The following DTX2 variants were observed in gnomAD, a reference collection of about 807,000 sequenced individuals.
DTX2 encodes probable E3 ubiquitin-protein ligase DTX2.
A neutral mutation model predicts 55.3 loss-of-function variants in DTX2; 29 were observed. The ratio of observed to expected loss-of-function variants is 0.52; its 90% CI spans 0.39 to 0.71. The LOEUF (loss-of-function observed/expected upper bound fraction) is 0.71. DTX2 is among the 30% of genes least tolerant of loss of function. The pLI is 0.00. For synonymous variants in DTX2, 276 were observed against 340.4 expected (o/e 0.81, Z 2.08); for missense variants, 537 against 822.5 (o/e 0.65, Z 4.25).
Position 76,482,656 on chromosome 7 carries a change from C to T in DTX2, c.417C>T (p.Gly139=). 2 of 1,613,848 alleles carry T rather than the reference C, an allele frequency of 1.2e-6. No homozygotes were observed. The highest frequency in any genetic ancestry group is 1.7e-6 in the Non-Finnish European group (2 of 1,179,808). ...ATCTGGAGCAGCAGGTGGCCAGGGG[C>T]AACCAGCTCGTGGACTTGGCCCCCC... ...CDYLEQQVAR[G]NQLVDLAPLG... is the part of the protein sequence containing the mutation. Residue 139 remains glycine, a synonymous_variant, in exon 4 of 11, where the codon GGC becomes GGT. Coordinates refer to ENST00000430490, the MANE Select transcript of DTX2 (RefSeq NM_001102594.3).
intron 2 of DTX2, among the ~76,000 whole-genome samples, chr7:76,469,517 C>T (rs1192640697): frequency 2.0e-5 from 3 of 150,626 alleles, no homozygotes; most frequent in Admixed American, 6.6e-5. Context: ...CTCAGCCTCC[C>T]GAGTAACTGG....
chr7:76,476,514 A>G (rs558763490), intron 2 of DTX2, among the ~76,000 whole-genome samples: 1 of 151,656 alleles, frequency 6.6e-6, no homozygotes, highest in East Asian at 1.9e-4. Context: ...TGGTGGGGAG[A>G]AGGCCACTGA....
Position 76,503,516 on chromosome 7 carries a change from C to G in DTX2, c.1480C>G (p.Gln494Glu), listed in dbSNP as rs375259629. 5.0e-6 allele frequency: 8 copies of G among 1,612,952 alleles called. No homozygotes were observed. The highest frequency in any genetic ancestry group is 5.1e-6 in the Non-Finnish European group (6 of 1,179,912). ...PQGKMEVLRFQMSLPGHEDCG... is the reference protein window; with the variant it reads ...PQGKMEVLRFEMSLPGHEDCG... ...GGGAAAGATGGAGGTATTACGGTTC[C>G]AGATGTCGCTCCCCGGCCACGAGGA... Residue 494 changes from glutamine to glutamate, a missense_variant, in exon 9 of 11, where the codon CAG (glutamine) becomes GAG (glutamate). By Grantham distance (29) the Gln-to-Glu change is conservative. Around this residue, in one of 7 missense-constraint regions of DTX2, gnomAD observed 121 missense variants for 136.8 expected, o/e 0.88. Coordinates refer to ENST00000430490, the MANE Select transcript of DTX2 (RefSeq NM_001102594.3).
Position 76,503,333 on chromosome 7 carries a change from C to T in DTX2, c.1390-93C>T. 3 of 1,423,318 alleles carry T rather than the reference C, an allele frequency of 2.1e-6. No individual in the cohort carries two copies. The East Asian group carries it at 7.5e-5, about 36-fold the overall frequency. 88.2% of individuals were successfully genotyped at this position (1,423,318 alleles called of 1,614,324 possible). A position where few individuals can be genotyped will look rare whatever the true frequency, so the allele number is the denominator to read the frequency against. On this transcript the variant is annotated intron_variant, in intron 8 of 10. Transcript: ENST00000430490. ...CAACTCCCTGGGATGGTGGCCAGCC[C>T]ATTCCCGGGGCCCTTTACCATCTGA...
intron 2 of DTX2, among the ~76,000 whole-genome samples, chr7:76,466,413 C>T (rs1563719159): frequency 2.2e-5 from 3 of 138,248 alleles, no homozygotes; most frequent in African/African-American, 8.3e-5. Flanking sequence ...TATATCTAAT[C>T]TTTTTTTTTT....
intron 2 of DTX2, among the ~76,000 whole-genome samples, chr7:76,471,506 G>A (rs568764472): frequency 2.0e-5 from 3 of 150,068 alleles, no homozygotes; most frequent in Non-Finnish European, 4.4e-5. Flanking sequence ...TGTGTTCCTG[G>A]ATGCGGGTTC....
chr7:76,471,476 C>T (rs1429794319), intron 2 of DTX2, among the ~76,000 whole-genome samples: 1 of 150,502 alleles, frequency 6.6e-6, no homozygotes, highest in Non-Finnish European at 1.5e-5. Flanking sequence ...TCCATTCATT[C>T]TGAGGGAGGA....
intron 2 of DTX2, 125 bp from the exon 3 acceptor site, chr7:76,480,296 C>A (rs1256429261): frequency 1.3e-5 from 7 of 554,898 alleles, no homozygotes; most frequent in South Asian, 2.6e-5. Context: ...GAGAGTGAGA[C>A]CCTGTAACCA....
In DTX2 at chr7:76,480,427, C is replaced by T. The variant is rs533930272; in HGVS notation, c.-83C>T. The T allele has an allele frequency of 5.7e-5, 79 of 1,396,940 alleles. No homozygotes were observed. Among genetic ancestry groups the T allele is most frequent in the East Asian group, 7.2e-5 (3 of 41,684 alleles). The allele number at this position is 1,396,940 out of a possible 1,614,324, so 86.5% of individuals were successfully genotyped here. A position where few individuals can be genotyped will look rare whatever the true frequency, so the allele number is the denominator to read the frequency against. On this transcript the variant is annotated 5_prime_UTR_variant, in exon 3 of 11. Transcript: ENST00000430490. ...ATGTCTGTCCTGTTCACAGATCTGC[C>T]GGAGGCGCTGGGCAATGACCCCGGG...
chr7:76,480,272 T>G, intron 2 of DTX2, 149 bp from the exon 3 acceptor site: 1 of 509,092 alleles, frequency 2.0e-6, no homozygotes, highest in South Asian at 2.9e-5. Context: ...ACTGCTGCAC[T>G]GTAGCCTGGG....
chr7:76,499,914 A>G, intron 6 of DTX2: 1 of 341,632 alleles, frequency 2.9e-6, no homozygotes, highest in South Asian at 2.1e-5. Flanking sequence ...CTTCCCAGTC[A>G]GTGGCAGGCG....
At chr7:76,498,451 C>G (rs1308473636) in intron 6 of DTX2, among the ~76,000 whole-genome samples, 2 of 150,982 alleles carry the variant, frequency 1.3e-5, no homozygotes, top group Admixed American at 1.3e-4. Context: ...CTGTGGCACT[C>G]GGGTTTACCT....
At chr7:76,498,885 T>A (rs1238383793) in intron 6 of DTX2, among the ~76,000 whole-genome samples, 1 of 58,444 alleles carries the variant, frequency 1.7e-5, no homozygotes, top group Non-Finnish European at 3.1e-5. Context: ...TGTGGAGGTG[T>A]GGGGTGTATG....
At chr7:76,501,478 G>A (rs1563755769) in intron 7 of DTX2, among the ~76,000 whole-genome samples, 1 of 151,190 alleles carries the variant, frequency 6.6e-6, no homozygotes, top group African/African-American at 2.4e-5. Context: ...CAGCCAGCAC[G>A]CAGCTTGGAT....
chr7:76,502,660 C>T, intron 8 of DTX2: 2 of 569,120 alleles, frequency 3.5e-6, no homozygotes, highest in Non-Finnish European at 6.1e-6. Context: ...GTCTGCCCCA[C>T]ACTTTAGAAA....
rs1811550803 is a variant in DTX2 at position 76,500,480 on chromosome 7, TAAA to T, written c.1194_1196del (p.Lys398del). 2.4e-6 allele frequency: 2 copies of T among 844,470 alleles called. No homozygotes were observed. The highest frequency in any genetic ancestry group is 5.4e-5 in the East Asian group (2 of 37,180). 52.3% of individuals were successfully genotyped at this position (844,470 alleles called of 1,614,324 possible). A position where few individuals can be genotyped will look rare whatever the true frequency, so the allele number is the denominator to read the frequency against. ...CCAGAGCCAGAGCCAGAGCAGGTCATAAAAAACTACACGGAAGAGCTGAAAGTG... is the reference window on the plus strand; with the variant it reads ...CCAGAGCCAGAGCCAGAGCAGGTCATAAACTACACGGAAGAGCTGAAAGTG... On this transcript the variant is annotated inframe_deletion, in exon 7 of 11. Coordinates refer to ENST00000430490, the MANE Select transcript of DTX2 (RefSeq NM_001102594.3).
intron 8 of DTX2, 140 bp from the exon 9 acceptor site, chr7:76,503,286 T>A (rs1447799021): frequency 1.1e-6 from 1 of 918,640 alleles, no homozygotes; most frequent in Admixed American, 3.0e-5. Flanking sequence ...TGGAAGCCAG[T>A]TTCCGGGCAG....
chr7:76,498,838 G>T lies in DTX2; in HGVS notation c.1150+1361G>T, dbSNP rs1363493063. On this transcript the variant is annotated intron_variant, in intron 6 of 10. Coordinates refer to ENST00000430490, the MANE Select transcript of DTX2 (RefSeq NM_001102594.3). ...GTGTGTGGGGTGTGTAGAGGTGAGG[G>T]TGTGTGGGGTGTGTGGAGGTGAGGG... 2.8e-3 allele frequency among the ~76,000 whole-genome samples: 360 copies of T among 129,056 alleles called. 2 individuals carry two copies. The highest frequency in any genetic ancestry group is 0.011 in the African/African-American group (293 of 25,952). The allele number at this position is 129,056 out of a possible 152,430, so 84.7% of individuals were successfully genotyped here. A position where few individuals can be genotyped will look rare whatever the true frequency, so the allele number is the denominator to read the frequency against.
chr7:76,475,690 A>AT (rs1808477941), intron 2 of DTX2, among the ~76,000 whole-genome samples: 1 of 117,278 alleles, frequency 8.5e-6, no homozygotes, highest in Non-Finnish European at 1.9e-5. Context: ...CTTCTCAAAA[A>AT]TAAAAAAAAA....
Sources: gnomAD v4.1 joint callset for allele counts (sites outside exome capture counted in the v4.1 genomes callset) on GRCh38, gnomAD v4.1.1 for gene constraint, gnomAD v4.1.1 regional missense constraint, MANE v1.5 for transcripts, NCBI Gene and HGNC (gene_info 2026-07-23, HGNC 2026-07-21) for gene names.